The following TLR6 variants were observed in gnomAD, a reference collection of about 807,000 sequenced individuals.
The protein encoded by TLR6 is toll-like receptor 6.
In TLR6, 9 loss-of-function variants were observed where a neutral mutation model predicts 16.1. That is an observed-to-expected ratio of 0.56 (90% CI 0.34 to 0.98). The LOEUF (loss-of-function observed/expected upper bound fraction) is 0.98, where lower values mean the gene tolerates loss of function less well. TLR6 is among the 50% of genes least tolerant of loss of function. The pLI is 0.02. For synonymous variants in TLR6, 340 were observed against 338.6 expected (o/e 1.00, Z -0.04); for missense variants, 786 against 921.0 (o/e 0.85, Z 1.90).
chr4:38,835,905 A>G (rs982579801), intron 1 of TLR6, among the ~76,000 whole-genome samples: 5 of 152,182 alleles, frequency 3.3e-5, no homozygotes, highest in African/African-American at 1.2e-4. Context: ...ATAGGAGGTA[A>G]AAAAGTTTCT....
chr4:38,840,660 A>G (rs1712216227), intron 1 of TLR6, among the ~76,000 whole-genome samples: 2 of 151,920 alleles, frequency 1.3e-5, no homozygotes, highest in African/African-American at 4.8e-5. Flanking sequence ...GAAGACACAC[A>G]ATGCTGTTGT....
exon 2 of TLR6, chr4:38,827,894 C>T (rs1329156043): frequency 3.7e-6 from 6 of 1,613,992 alleles, no homozygotes; most frequent in Non-Finnish European, 5.1e-6. Flanking sequence ...TGGATTGTCC[C>T]CTGCTTTTAT....
chr4:38,856,531 C>T (rs773690880), intron 1 of TLR6, among the ~76,000 whole-genome samples: 2 of 152,152 alleles, frequency 1.3e-5, no homozygotes, highest in Non-Finnish European at 2.9e-5. Context: ...TCACCACAAG[C>T]GCTAGTTGTT....
At chr4:38,829,322 G>T (rs368692142) in exon 2 of TLR6, 3 of 1,613,962 alleles carry the variant, frequency 1.9e-6, no homozygotes, top group African/African-American at 2.7e-5. Flanking sequence ...GGTTTTCAGC[G>T]GTAGGTCTTT....
the TLR6 span, among the ~76,000 whole-genome samples, chr4:38,866,777 G>A: frequency 5.3e-5 from 8 of 151,924 alleles, no homozygotes; most frequent in African/African-American, 1.9e-4. Flanking sequence ...ATTTATATAA[G>A]CTTAGAAAAA....
At chr4:38,868,074 T>A in the TLR6 span, 5 of 412,552 alleles carry the variant, frequency 1.2e-5, no homozygotes, top group Admixed American at 2.5e-5. Context: ...TGTGTGTGAG[T>A]GTGTGTCGCT....
intron 1 of TLR6, among the ~76,000 whole-genome samples, chr4:38,848,475 C>A (rs1003326779): frequency 7.2e-5 from 11 of 152,188 alleles, no homozygotes; most frequent in African/African-American, 2.7e-4. Context: ...GACGATCAAA[C>A]TTCTCCAACT....
At chr4:38,833,787 A>G (rs1711753756) in intron 1 of TLR6, among the ~76,000 whole-genome samples, 1 of 152,198 alleles carries the variant, frequency 6.6e-6, no homozygotes, top group South Asian at 2.1e-4. Context: ...AGCATAGATA[A>G]ATAATAAAAG....
chr4:38,861,853 A>G, the TLR6 span, among the ~76,000 whole-genome samples: 1 of 152,000 alleles, frequency 6.6e-6, no homozygotes, highest in South Asian at 2.1e-4. Context: ...TCTTTTCTAA[A>G]TCCATGCATT....
the TLR6 span, among the ~76,000 whole-genome samples, chr4:38,863,106 C>T: frequency 6.6e-6 from 1 of 152,078 alleles, no homozygotes; most frequent in African/African-American, 2.4e-5. Flanking sequence ...GAAGAAATAG[C>T]TCTTTTCAAG....
At chr4:38,837,257 G>C (rs1460369070) in intron 1 of TLR6, among the ~76,000 whole-genome samples, 3 of 152,072 alleles carry the variant, frequency 2.0e-5, no homozygotes, top group Non-Finnish European at 2.9e-5. Context: ...TATGGAACCA[G>C]AAAACACCCC....
chr4:38,862,114 AC>A, the TLR6 span, among the ~76,000 whole-genome samples: 1 of 152,088 alleles, frequency 6.6e-6, no homozygotes, highest in Non-Finnish European at 1.5e-5. Context: ...CATGAGTTCT[AC>A]CTGAACTCTT....
At chr4:38,851,351 A>G (rs1712763652) in intron 1 of TLR6, among the ~76,000 whole-genome samples, 1 of 152,134 alleles carries the variant, frequency 6.6e-6, no homozygotes, top group South Asian at 2.1e-4. Flanking sequence ...CACCACTCCT[A>G]TTCATATTCA....
chr4:38,851,998 A>G (rs1189687206), intron 1 of TLR6, among the ~76,000 whole-genome samples: 2 of 152,204 alleles, frequency 1.3e-5, no homozygotes, highest in Non-Finnish European at 2.9e-5. Context: ...GGCTACAGTA[A>G]CCAAAACAGC....
At chr4:38,857,723 GA>G (rs1713047300), upstream of TLR6, among the ~76,000 whole-genome samples, 1 of 152,012 alleles carries the variant, frequency 6.6e-6, no homozygotes, top group Non-Finnish European at 1.5e-5. Flanking sequence ...ATCTCCGTAA[GA>G]ATCACTTCTG....
At chr4:38,839,276 C>G (rs1303185600) in intron 1 of TLR6, among the ~76,000 whole-genome samples, 1 of 150,318 alleles carries the variant, frequency 6.7e-6, no homozygotes, top group Non-Finnish European at 1.5e-5. Flanking sequence ...CAAAAAAAAA[C>G]TGCTCTAAAA....
chr4:38,850,041 G>A (rs562012188), intron 1 of TLR6, among the ~76,000 whole-genome samples: 26 of 152,222 alleles, frequency 1.7e-4, no homozygotes, highest in African/African-American at 5.3e-4. Context: ...CTCAGACCAT[G>A]GTGCAATCAA....
upstream of TLR6, among the ~76,000 whole-genome samples, chr4:38,858,612 C>T (rs902207477): frequency 5.3e-5 from 8 of 151,696 alleles, no homozygotes; most frequent in Non-Finnish European, 7.4e-5. Context: ...CCCAGCTACT[C>T]GGGAGGCTGA....
intron 1 of TLR6, among the ~76,000 whole-genome samples, chr4:38,837,692 A>C (rs1326303094): frequency 6.6e-6 from 1 of 152,230 alleles, no homozygotes; most frequent in Non-Finnish European, 1.5e-5. Context: ...CTAGGTAAAG[A>C]TCTTATGGCT....
Sources: allele counts gnomAD v4.1 joint callset (sites outside exome capture counted in the v4.1 genomes callset), GRCh38; gene constraint gnomAD v4.1.1; transcripts MANE v1.5; gene names NCBI Gene and HGNC (gene_info 2026-07-23, HGNC 2026-07-21).